The following RCBTB2 variants were observed in gnomAD, a reference collection of about 807,000 sequenced individuals.
RCBTB2 encodes the protein RCC1 and BTB domain containing protein 2.
RCBTB2 carries 55 observed loss-of-function variants against 65.4 expected under a neutral mutation model. That is an observed-to-expected ratio of 0.84 (90% confidence interval 0.68 to 1.05). The LOEUF is 1.05. RCBTB2 is among the 50% of genes least tolerant of loss of function. The pLI is 0.00. For missense variants in RCBTB2, 599 were observed against 680.1 expected, an observed-to-expected ratio of 0.88 and a Z score of 1.33; for synonymous variants, 220 against 255.2, an observed-to-expected ratio of 0.86 and a Z score of 1.31.
At chr13:48,523,488 G>A (rs1033330063) in intron 2 of RCBTB2, among the ~76,000 whole-genome samples, 3 of 152,124 alleles carry the variant, frequency 2.0e-5, no homozygotes, top group East Asian at 1.9e-4. Flanking sequence ...AGAGTAAAAC[G>A]CAACGTATTC....
chr13:48,526,164 T>C (rs892959034), intron 1 of RCBTB2, among the ~76,000 whole-genome samples: 3 of 152,328 alleles, frequency 2.0e-5, no homozygotes, highest in Non-Finnish European at 2.9e-5. Flanking sequence ...ATTTTGCCTT[T>C]ACCAAGGACA....
intron 10 of RCBTB2, among the ~76,000 whole-genome samples, chr13:48,505,465 C>T (rs770371835): frequency 6.6e-6 from 1 of 152,214 alleles, no homozygotes; most frequent in Non-Finnish European, 1.5e-5. Flanking sequence ...TGCAAAAGAA[C>T]CGTGCCAGAC....
rs763530192 is a variant in RCBTB2, at chr13:48,515,229, G to A, written c.325C>T (p.Pro109Ser). 1 of 1,614,032 alleles carries A rather than the reference G, an allele frequency of 6.2e-7. No individual in the cohort carries two copies. Among genetic ancestry groups the A allele is most frequent in the South Asian group, 1.1e-5 (1 of 91,066 alleles). ...CCTGTTGTTGCAAGGACAATATGTGGACCACTCCCATAGCTGAGGCAGGCT... is the reference window on the plus strand; with the variant it reads ...CCTGTTGTTGCAAGGACAATATGTGAACCACTCCCATAGCTGAGGCAGGCT... Reference protein sequence around the residue: ...KIACLSYGSGPHIVLATTEGE... With the variant: ...KIACLSYGSGSHIVLATTEGE... The change falls in exon 6 of 15, where the codon CCA (proline) becomes TCA (serine). Residue 109 changes from proline to serine, a missense_variant. Transcript: ENST00000344532.
At chr13:48,491,265 T>C (rs1408895399) in intron 14 of RCBTB2, among the ~76,000 whole-genome samples, 1 of 152,190 alleles carries the variant, frequency 6.6e-6, no homozygotes, top group Non-Finnish European at 1.5e-5. Context: ...GCAATGCTGA[T>C]AGCCTTGCCA....
intron 1 of RCBTB2, among the ~76,000 whole-genome samples, chr13:48,526,219 A>G (rs770803040): frequency 3.3e-5 from 5 of 152,158 alleles, no homozygotes; most frequent in Non-Finnish European, 7.4e-5. Flanking sequence ...ATAAACTATA[A>G]TTTCTTTAGC....
In RCBTB2 at chr13:48,499,111, A is replaced by AACACACACACACACACAC. The variant is rs142443945; in HGVS notation, c.1384+492_1384+509dup. ...TTGCCTCTCTCCCGACCCCCACCCC[A>AACACACACACACACACAC]ACACACACACACACACACACACACA... is the stretch of plus-strand genomic sequence containing the variant. On this transcript the variant is annotated intron_variant, in intron 13 of 14. Coordinates refer to ENST00000344532, the MANE Select transcript of RCBTB2 (RefSeq NM_001268.4). Among the ~76,000 whole-genome samples the AACACACACACACACACAC allele has an allele frequency of 9.8e-3, 1,031 of 105,668 alleles. 17 individuals carry two copies. The highest frequency in any genetic ancestry group is 0.03 in the African/African-American group (681 of 22,986). The allele number at this position is 105,668 out of a possible 152,430, so 69.3% of individuals were successfully genotyped here.
intron 4 of RCBTB2, among the ~76,000 whole-genome samples, chr13:48,517,450 T>G (rs1275489399): frequency 6.6e-6 from 1 of 152,174 alleles, no homozygotes; most frequent in Non-Finnish European, 1.5e-5. Context: ...CCATTTCTAC[T>G]TCACCTGAGC....
At position 48,489,364 on chromosome 13, in the gene RCBTB2, A is replaced by C. The variant is rs1403184786; in HGVS notation, c.*747T>G. ...GCAAAGGACCTTATGTGATTATGTA[A>C]GGCAGATCAGCCCAGGAATTTCATT... On this transcript the variant is annotated 3_prime_UTR_variant, in exon 15 of 15. Transcript: ENST00000344532. 1 of 152,234 alleles carries C rather than the reference A, an allele frequency of 6.6e-6. No individual in the cohort carries two copies. Among genetic ancestry groups the C allele is most frequent in the Non-Finnish European group, 1.5e-5 (1 of 68,038 alleles). The allele number at this position is 152,234 out of a possible 1,614,324, so 9.4% of individuals were successfully genotyped here.
chr13:48,515,786 A>G (rs1260471158), intron 4 of RCBTB2, 45 bp from the exon 5 acceptor site: 4 of 1,559,108 alleles, frequency 2.6e-6, no homozygotes, highest in African/African-American at 2.8e-5. Context: ...TTAAAAAGTG[A>G]ATTTTCTCTG....
chr13:48,499,140 ACACT>A lies in RCBTB2; in HGVS notation c.1384+477_1384+480del, dbSNP rs776626075. ...CACACACACACACACACACACACAC[ACACT>A]CTCTCTCTCTCTCTCTCTCTCTCTC... On this transcript the variant is annotated intron_variant, in intron 13 of 14. Coordinates refer to ENST00000344532, the MANE Select transcript of RCBTB2 (RefSeq NM_001268.4). 6.7e-3 allele frequency among the ~76,000 whole-genome samples: 958 copies of A among 142,370 alleles called. 2 individuals are homozygous for A. Among genetic ancestry groups the A allele is most frequent in the Non-Finnish European group, 0.011 (706 of 66,138 alleles). The allele number at this position is 142,370 out of a possible 152,430, so 93.4% of individuals were successfully genotyped here. A position where few individuals can be genotyped will look rare whatever the true frequency, so the allele number is the denominator to read the frequency against.
chr13:48,498,503 G>A (rs1368145592), intron 13 of RCBTB2, among the ~76,000 whole-genome samples: 1 of 152,172 alleles, frequency 6.6e-6, no homozygotes, highest in Admixed American at 6.5e-5. Flanking sequence ...GGCCAAGATG[G>A]GCGGATCACC....
intron 12 of RCBTB2, among the ~76,000 whole-genome samples, chr13:48,501,105 C>T (rs759559329): frequency 2.0e-5 from 3 of 152,162 alleles, no homozygotes; most frequent in South Asian, 2.1e-4. Context: ...GAAGGAGCTG[C>T]GGTCACCCAG....
At chr13:48,524,443 C>A (rs1435141320) in intron 2 of RCBTB2, among the ~76,000 whole-genome samples, 1 of 152,184 alleles carries the variant, frequency 6.6e-6, no homozygotes, top group Non-Finnish European at 1.5e-5. Flanking sequence ...TTAATCATTG[C>A]CTCCATTTTA....
At position 48,489,408 on chromosome 13, in the gene RCBTB2, C is replaced by T. The variant is rs1051924869; in HGVS notation, c.*703G>A. 6.6e-6 allele frequency: 1 copy of T among 152,208 alleles called. No homozygotes were observed. The highest frequency in any genetic ancestry group is 1.5e-5 in the Non-Finnish European group (1 of 68,042). The allele number at this position is 152,208 out of a possible 1,614,324, so 9.4% of individuals were successfully genotyped here. A position where few individuals can be genotyped will look rare whatever the true frequency, so the allele number is the denominator to read the frequency against. ...TTTCATTCAAAGATAATACTTCATA[C>T]TCCATAATCCCATGTGAGAAATTAA... is the stretch of plus-strand genomic sequence containing the variant. On this transcript the variant is annotated 3_prime_UTR_variant, in exon 15 of 15. Transcript: ENST00000344532.
chr13:48,506,021 G>A (rs996028833), intron 10 of RCBTB2, among the ~76,000 whole-genome samples: 1 of 152,202 alleles, frequency 6.6e-6, no homozygotes. Context: ...CTGACTACAA[G>A]TCTCCAGTGA....
intron 1 of RCBTB2, among the ~76,000 whole-genome samples, chr13:48,527,361 T>TA: frequency 4.4e-5 from 5 of 112,412 alleles, no homozygotes; most frequent in Non-Finnish European, 6.5e-5. Context: ...TGATATATAT[T>TA]TATATATGAT....
intron 1 of RCBTB2, chr13:48,532,502 T>C (rs1203424268): frequency 6.5e-6 from 1 of 154,996 alleles, no homozygotes; most frequent in African/African-American, 2.4e-5. Flanking sequence ...ATCGGCAACA[T>C]ATGCAGTGCA....
At chr13:48,502,703 A>G in intron 11 of RCBTB2, 21 bp downstream of exon 11, 1 of 1,589,938 alleles carries the variant, frequency 6.3e-7, no homozygotes, top group South Asian at 1.1e-5. Flanking sequence ...CCATCCCCCA[A>G]ATGGACAGTG....
chr13:48,503,515 C>A (rs751891029), intron 10 of RCBTB2, among the ~76,000 whole-genome samples: 2 of 151,762 alleles, frequency 1.3e-5, no homozygotes, highest in Non-Finnish European at 2.9e-5. Flanking sequence ...TCTAAGTTCA[C>A]GATTGATGAG....
Sources: gnomAD v4.1 joint callset for allele counts (sites outside exome capture counted in the v4.1 genomes callset) on GRCh38, gnomAD v4.1.1 for gene constraint, MANE v1.5 for transcripts, NCBI Gene and HGNC (gene_info 2026-07-23, HGNC 2026-07-21) for gene names.